The following PHKB variants were observed in gnomAD, a reference collection of about 807,000 sequenced individuals.
The protein encoded by PHKB is phosphorylase b kinase regulatory subunit beta.
PHKB carries 122 observed loss-of-function variants against 152.1 expected under a neutral mutation model. The ratio of observed to expected loss-of-function variants is 0.80; its 90% CI spans 0.69 to 0.93. The LOEUF is 0.93. Among genes scored for constraint, PHKB ranks in the 40% least tolerant of loss-of-function variants. PHKB has a pLI of 0.00. For missense variants in PHKB, 1,304 were observed against 1,328.4 expected, an observed-to-expected ratio of 0.98 and a Z score of 0.29; for synonymous variants, 436 against 464.9, an observed-to-expected ratio of 0.94 and a Z score of 0.80.
intron 13 of PHKB, among the ~76,000 whole-genome samples, chr16:47,601,940 C>T (rs1303888243): frequency 6.6e-6 from 1 of 152,104 alleles, no homozygotes; most frequent in Non-Finnish European, 1.5e-5. Context: ...ATGGTTAAAA[C>T]AAGATATATT....
At chr16:47,667,059 G>T (rs1194673698) in intron 25 of PHKB, among the ~76,000 whole-genome samples, 2 of 152,032 alleles carry the variant, frequency 1.3e-5, no homozygotes. Flanking sequence ...CTTACATTTA[G>T]CTTTTGAAAT....
intron 1 of PHKB, among the ~76,000 whole-genome samples, chr16:47,482,889 T>C (rs1420702273): frequency 1.3e-5 from 2 of 150,712 alleles, no homozygotes; most frequent in African/African-American, 4.9e-5. Flanking sequence ...CCTGACTAAA[T>C]TTTGTATTTT....
intron 29 of PHKB, among the ~76,000 whole-genome samples, chr16:47,698,150 A>C (rs549376837): frequency 6.6e-6 from 1 of 152,338 alleles, no homozygotes; most frequent in South Asian, 2.1e-4. Context: ...CTTTGGGTGA[A>C]TAGGGTATCA....
intron 2 of PHKB, among the ~76,000 whole-genome samples, chr16:47,498,398 C>T (rs1362314887): frequency 6.6e-6 from 1 of 152,154 alleles, no homozygotes; most frequent in Non-Finnish European, 1.5e-5. Flanking sequence ...AATTTAGAGG[C>T]TGGGCATGGT....
intron 13 of PHKB, among the ~76,000 whole-genome samples, chr16:47,601,349 T>G (rs1404970611): frequency 6.6e-6 from 1 of 152,206 alleles, no homozygotes; most frequent in African/African-American, 2.4e-5. Flanking sequence ...ATTATATAAC[T>G]TTAATATATG....
intron 6 of PHKB, among the ~76,000 whole-genome samples, chr16:47,540,549 A>G (rs972289295): frequency 2.0e-5 from 3 of 152,028 alleles, no homozygotes; most frequent in African/African-American, 7.2e-5. Flanking sequence ...TCCTACCGAT[A>G]TGTGATGTCA....
chr16:47,607,833 C>T (rs564468321), intron 13 of PHKB, among the ~76,000 whole-genome samples: 1 of 152,106 alleles, frequency 6.6e-6, no homozygotes, highest in Non-Finnish European at 1.5e-5. Context: ...CACATCTTTG[C>T]CAACACTTGT....
intron 14 of PHKB, among the ~76,000 whole-genome samples, chr16:47,617,727 G>A (rs1972543865): frequency 6.6e-6 from 1 of 152,104 alleles, no homozygotes; most frequent in Admixed American, 6.6e-5. Flanking sequence ...TTAAGTAGTA[G>A]TCTGCTACTC....
At chr16:47,623,086 G>A (rs1462656779) in intron 14 of PHKB, among the ~76,000 whole-genome samples, 1 of 152,088 alleles carries the variant, frequency 6.6e-6, no homozygotes. Flanking sequence ...TTGGACAATT[G>A]AATTAATCTC....
At chr16:47,478,156 AG>A (rs1969901336) in intron 1 of PHKB, among the ~76,000 whole-genome samples, 1 of 152,196 alleles carries the variant, frequency 6.6e-6, no homozygotes, top group Non-Finnish European at 1.5e-5. Flanking sequence ...ACCTCTTTAA[AG>A]CAGAGTCTAG....
At chr16:47,598,678 G>A (rs1597113923) in intron 13 of PHKB, 1 of 1,544,772 alleles carries the variant, frequency 6.5e-7, no homozygotes, top group East Asian at 2.2e-5. Context: ...CCACTGATCG[G>A]CAGGAGGCTC....
At chr16:47,688,677 T>C (rs1377339656) in intron 26 of PHKB, among the ~76,000 whole-genome samples, 2 of 151,474 alleles carry the variant, frequency 1.3e-5, no homozygotes, top group Non-Finnish European at 2.9e-5. Flanking sequence ...TGTAGCTCTC[T>C]TTCCTTTTTT....
intron 19 of PHKB, 100 bp downstream of exon 19, chr16:47,650,726 A>T (rs1252468297): frequency 8.1e-7 from 1 of 1,235,092 alleles, no homozygotes; most frequent in African/African-American, 1.5e-5. Flanking sequence ...TATCCTTCTT[A>T]GTATGTGGTG....
At chr16:47,574,029 C>T (rs903041777) in intron 7 of PHKB, among the ~76,000 whole-genome samples, 1 of 152,236 alleles carries the variant, frequency 6.6e-6, no homozygotes, top group Non-Finnish European at 1.5e-5. Flanking sequence ...AAGCGATTCT[C>T]CTGTCTCAGC....
intron 8 of PHKB, 69 bp from the exon 9 acceptor site, chr16:47,587,599 G>A (rs1299134258): frequency 2.5e-6 from 3 of 1,191,276 alleles, no homozygotes; most frequent in Non-Finnish European, 3.7e-6. Context: ...AGTTTTCACA[G>A]TCAAAATGCC....
chr16:47,694,854 A>G (rs1193358372), intron 28 of PHKB, among the ~76,000 whole-genome samples: 4 of 152,212 alleles, frequency 2.6e-5, no homozygotes, highest in Non-Finnish European at 5.9e-5. Context: ...CCAGATTTTC[A>G]TTTAATTGTC....
chr16:47,644,395 A>C (rs1420493849), intron 16 of PHKB, among the ~76,000 whole-genome samples: 1 of 152,210 alleles, frequency 6.6e-6, no homozygotes, highest in African/African-American at 2.4e-5. Flanking sequence ...GCTACATACT[A>C]GGCACAGTGC....
intron 6 of PHKB, among the ~76,000 whole-genome samples, chr16:47,522,614 T>C (rs1250411445): frequency 1.3e-5 from 2 of 151,862 alleles, no homozygotes; most frequent in Non-Finnish European, 2.9e-5. Flanking sequence ...TTTTCTAGTT[T>C]CTTGTGCTAA....
chr16:47,463,959 A>C lies in PHKB; in HGVS notation c.76+2533A>C. The C allele has an allele frequency of 6.2e-7, 1 of 1,614,000 alleles. No homozygotes were observed. ...TTGAAATGGCCTGCTCACCTGATGC[A>C]GTCGTCTCTCCGTCTTCCGCTTTCT... On this transcript the variant is annotated intron_variant, in intron 1 of 30. Coordinates refer to ENST00000323584, the MANE Select transcript of PHKB (RefSeq NM_000293.3).
Sources: allele counts gnomAD v4.1 joint callset (sites outside exome capture counted in the v4.1 genomes callset), GRCh38; gene constraint gnomAD v4.1.1; transcripts MANE v1.5; gene names NCBI Gene and HGNC (gene_info 2026-07-23, HGNC 2026-07-21).